The following SPOCK3 variants were observed in gnomAD, a reference collection of about 807,000 sequenced individuals.
SPOCK3 encodes the protein SPARC (osteonectin), cwcv and kazal like domains proteoglycan 3, also known as testican-3.
In SPOCK3, 30 loss-of-function variants were observed where a neutral mutation model predicts 56.6. The observed-to-expected ratio is 0.53, with a 90% CI of 0.40 to 0.72. The LOEUF (loss-of-function observed/expected upper bound fraction) is 0.72. SPOCK3 is among the 30% of genes least tolerant of loss of function. The probability of loss-of-function intolerance (pLI) is 0.00; values close to 1 mark genes in which losing one functional copy is unlikely to be tolerated. For synonymous variants in SPOCK3, 196 were observed against 183.3 expected, an observed-to-expected ratio of 1.07 and a Z score of -0.56; for missense variants, 527 against 530.0, an observed-to-expected ratio of 0.99 and a Z score of 0.06.
At chr4:167,107,661 A>C (rs1377411024) in intron 2 of SPOCK3, among the ~76,000 whole-genome samples, 1 of 151,848 alleles carries the variant, frequency 6.6e-6, no homozygotes, top group Non-Finnish European at 1.5e-5. Flanking sequence ...GAAAAAGTCA[A>C]ATTCCTTGTT....
intron 2 of SPOCK3, among the ~76,000 whole-genome samples, chr4:167,088,496 C>T (rs1466134403): frequency 7.7e-6 from 1 of 129,690 alleles, no homozygotes; most frequent in Admixed American, 8.7e-5. Flanking sequence ...GATGGAATCT[C>T]ACTTGGTCAC....
chr4:167,159,950 A>C (rs1468572963), intron 2 of SPOCK3, among the ~76,000 whole-genome samples: 4 of 152,128 alleles, frequency 2.6e-5, no homozygotes. Flanking sequence ...AATGGGCAAA[A>C]ACTGGAAGCA....
chr4:166,915,485 C>A (rs1737745205), intron 4 of SPOCK3, among the ~76,000 whole-genome samples: 1 of 152,130 alleles, frequency 6.6e-6, no homozygotes, highest in Admixed American at 6.6e-5. Flanking sequence ...CACTTAATAC[C>A]TGTGTATGAT....
At chr4:166,847,053 A>AG (rs1478017748) in intron 6 of SPOCK3, among the ~76,000 whole-genome samples, 6 of 152,110 alleles carry the variant, frequency 3.9e-5, no homozygotes, top group Non-Finnish European at 5.9e-5. Context: ...TAATCCCACT[A>AG]GCCATCAAGA....
intron 7 of SPOCK3, among the ~76,000 whole-genome samples, chr4:166,771,007 C>G (rs1269340621): frequency 6.7e-6 from 1 of 149,156 alleles, no homozygotes; most frequent in Non-Finnish European, 1.5e-5. Context: ...ACTATATATA[C>G]AATGCTATAT....
At chr4:167,023,110 G>A (rs1458447616) in intron 3 of SPOCK3, among the ~76,000 whole-genome samples, 2 of 151,946 alleles carry the variant, frequency 1.3e-5, no homozygotes, top group Admixed American at 1.3e-4. Flanking sequence ...TAGTCAATGC[G>A]AGCTAATGGT....
intron 2 of SPOCK3, among the ~76,000 whole-genome samples, chr4:167,128,295 T>C (rs975157997): frequency 2.0e-5 from 3 of 152,196 alleles, no homozygotes; most frequent in African/African-American, 7.2e-5. Flanking sequence ...CAAAGTTAGT[T>C]CTTTTATTGC....
intron 7 of SPOCK3, among the ~76,000 whole-genome samples, chr4:166,775,245 C>T (rs1022236146): frequency 2.0e-5 from 3 of 152,164 alleles, no homozygotes; most frequent in South Asian, 2.1e-4. Flanking sequence ...TGGCAGGTGA[C>T]GGGGTCAGAG....
intron 2 of SPOCK3, among the ~76,000 whole-genome samples, chr4:167,074,717 T>C (rs1466784095): frequency 6.6e-6 from 1 of 151,978 alleles, no homozygotes; most frequent in Non-Finnish European, 1.5e-5. Context: ...GCAGCCATTT[T>C]AGAGGTTCTC....
intron 6 of SPOCK3, among the ~76,000 whole-genome samples, chr4:166,813,537 T>C (rs567474753): frequency 6.0e-5 from 9 of 151,178 alleles, no homozygotes; most frequent in Middle Eastern, 3.4e-3. Context: ...AAAAGAAATA[T>C]CCAAAAATAT....
At chr4:166,803,267 C>T (rs1157053515) in intron 6 of SPOCK3, among the ~76,000 whole-genome samples, 1 of 152,136 alleles carries the variant, frequency 6.6e-6, no homozygotes, top group Admixed American at 6.6e-5. Context: ...TATTGATGTT[C>T]ACAAGTATTT....
intron 2 of SPOCK3, among the ~76,000 whole-genome samples, chr4:167,079,396 T>G (rs892145739): frequency 7.9e-5 from 12 of 151,996 alleles, no homozygotes; most frequent in African/African-American, 2.7e-4. Context: ...TTTCTGGGTT[T>G]AATTATCTGG....
chr4:167,066,797 ATATAAC>A (rs1427371436), intron 2 of SPOCK3, among the ~76,000 whole-genome samples: 2 of 151,942 alleles, frequency 1.3e-5, no homozygotes, highest in Non-Finnish European at 2.9e-5. Context: ...TAAATACAGA[ATATAAC>A]TATAAGTTCA....
intron 6 of SPOCK3, among the ~76,000 whole-genome samples, chr4:166,886,855 A>AT (rs779056037): frequency 1.3e-4 from 20 of 152,198 alleles, no homozygotes; most frequent in Non-Finnish European, 1.6e-4. Flanking sequence ...ACTCAGTTTT[A>AT]TATTTCCCCT....
intron 2 of SPOCK3, among the ~76,000 whole-genome samples, chr4:167,082,831 G>A (rs1017847350): frequency 3.3e-5 from 5 of 150,092 alleles, no homozygotes; most frequent in South Asian, 2.1e-4. Flanking sequence ...GAAGACAGAG[G>A]GAGGGAAGGA....
chr4:166,895,092 T>C (rs976470159), intron 5 of SPOCK3, among the ~76,000 whole-genome samples: 1 of 152,128 alleles, frequency 6.6e-6, no homozygotes, highest in Non-Finnish European at 1.5e-5. Context: ...ATCAAAATTC[T>C]TGTTTGAATT....
chr4:167,209,604 CA>C (rs1734669388), intron 2 of SPOCK3, among the ~76,000 whole-genome samples: 1 of 152,024 alleles, frequency 6.6e-6, no homozygotes, highest in Non-Finnish European at 1.5e-5. Context: ...ACATTTTCCT[CA>C]GTTCTCATTT....
chr4:166,847,414 A>G (rs964125679), intron 6 of SPOCK3, among the ~76,000 whole-genome samples: 1 of 151,818 alleles, frequency 6.6e-6, no homozygotes. Flanking sequence ...ATTTTCTAAT[A>G]TCATAAGGCA....
At chr4:167,030,379 T>C (rs139004347) in intron 3 of SPOCK3, among the ~76,000 whole-genome samples, 186 of 152,234 alleles carry the variant, frequency 1.2e-3, no homozygotes, top group African/African-American at 4.3e-3. Context: ...TTCAATTGCT[T>C]GTGCTGAATT....
Sources: allele counts gnomAD v4.1 joint callset (sites outside exome capture counted in the v4.1 genomes callset), GRCh38; gene constraint gnomAD v4.1.1; transcripts MANE v1.5; gene names NCBI Gene and HGNC (gene_info 2026-07-23, HGNC 2026-07-21).